The following SCML4 variants were observed in gnomAD, a reference collection of about 807,000 sequenced individuals.
SCML4 encodes sex comb on midleg-like protein 4.
In SCML4, 34 loss-of-function variants were observed where a neutral mutation model predicts 41.1. The observed-to-expected ratio is 0.83, with a 90% CI of 0.63 to 1.10. The LOEUF (loss-of-function observed/expected upper bound fraction) is 1.10. Ranked by LOEUF, SCML4 falls within the 50% of genes least tolerant of loss-of-function variation. SCML4 has a pLI of 0.00. For missense variants in SCML4, 522 were observed against 534.1 expected (o/e 0.98, Z 0.22); for synonymous variants, 214 against 220.9 (o/e 0.97, Z 0.28).
intron 2 of SCML4, among the ~76,000 whole-genome samples, chr6:107,762,290 A>G (rs1373648330): frequency 1.3e-5 from 2 of 152,214 alleles, no homozygotes; most frequent in African/African-American, 2.4e-5. Context: ...ATAATAAAAA[A>G]TAACTCAAAA....
chr6:107,831,690 G>A, the SCML4 span, among the ~76,000 whole-genome samples: 8 of 152,118 alleles, frequency 5.3e-5, no homozygotes, highest in East Asian at 3.9e-4. Flanking sequence ...AGGCCAAAGC[G>A]GGCAGATTAC....
At chr6:107,741,912 G>C (rs980591814) in intron 5 of SCML4, among the ~76,000 whole-genome samples, 1 of 152,152 alleles carries the variant, frequency 6.6e-6, no homozygotes, top group African/African-American at 2.4e-5. Flanking sequence ...ACAGGAAACC[G>C]TGATCTCCCT....
chr6:107,717,473 C>G (rs1485925649), intron 6 of SCML4, among the ~76,000 whole-genome samples: 1 of 152,146 alleles, frequency 6.6e-6, no homozygotes, highest in Non-Finnish European at 1.5e-5. Context: ...ATCCCACAGT[C>G]CCGTGGTGGG....
chr6:107,778,410 TAA>T (rs1781209344), intron 1 of SCML4, among the ~76,000 whole-genome samples: 1 of 151,300 alleles, frequency 6.6e-6, no homozygotes, highest in Non-Finnish European at 1.5e-5. Context: ...TAGTAGTCAT[TAA>T]AAGAGTCTGT....
Position 107,746,903 on chromosome 6 carries a change from G to A in SCML4, c.287-14C>T, listed in dbSNP as rs1210766796. The A allele has an allele frequency of 6.2e-7, 1 of 1,605,040 alleles. No homozygotes were observed. The highest frequency in any genetic ancestry group is 8.5e-7 in the Non-Finnish European group (1 of 1,174,152). On this transcript the variant is annotated splice_polypyrimidine_tract_variant and intron_variant, in intron 3 of 7. Coordinates refer to ENST00000369020, the MANE Select transcript of SCML4 (RefSeq NM_198081.5). ...TGTAGAGGCAGACTGCGGAGACAGA[G>A]GTCACAAAGCCCTCGGCATCAGGCG...
rs1782451547 is a variant in SCML4, at chr6:107,793,002, A to G, written c.-59-20616T>C. Among the ~76,000 whole-genome samples the G allele has an allele frequency of 2.6e-5, 4 of 152,316 alleles. No individual in the cohort carries two copies. In the South Asian group the frequency reaches 8.3e-4, roughly 32 times the overall value. ...AACTAAGACAAATATTGAATCCAAAAGGAGGAAGGAGAAAGGCATATAAAA... is the reference window on the plus strand; with the variant it reads ...AACTAAGACAAATATTGAATCCAAAGGGAGGAAGGAGAAAGGCATATAAAA... On this transcript the variant is annotated intron_variant, in intron 1 of 7. Transcript: ENST00000369020.
chr6:107,757,719 A>G (rs1779229269), intron 2 of SCML4, among the ~76,000 whole-genome samples: 1 of 152,206 alleles, frequency 6.6e-6, no homozygotes. Context: ...CAAAGTGAGA[A>G]CTCAATAAAA....
chr6:107,801,813 C>T (rs1164757755), intron 1 of SCML4, among the ~76,000 whole-genome samples: 1 of 151,896 alleles, frequency 6.6e-6, no homozygotes, highest in Non-Finnish European at 1.5e-5. Context: ...GAGCCTTGCT[C>T]TGTCACCCAC....
At chr6:107,778,222 A>AAATATAT (rs1554218145) in intron 1 of SCML4, among the ~76,000 whole-genome samples, 1 of 15,542 alleles carries the variant, frequency 6.4e-5, no homozygotes, top group Admixed American at 1.1e-3. Context: ...AAAAAAAAAA[A>AAATATAT]ATATATATAT....
intron 1 of SCML4, among the ~76,000 whole-genome samples, chr6:107,777,511 T>C (rs564090852): frequency 6.6e-6 from 1 of 152,342 alleles, no homozygotes; most frequent in South Asian, 2.1e-4. Flanking sequence ...AAGTTTCTAC[T>C]GAAAATTTTT....
intron 2 of SCML4, among the ~76,000 whole-genome samples, chr6:107,751,417 G>A (rs1252160307): frequency 1.3e-5 from 2 of 152,132 alleles, no homozygotes; most frequent in African/African-American, 4.8e-5. Context: ...AGTATGCCTG[G>A]AGGGTTTGTG....
chr6:107,806,195 C>G (rs5878941), intron 1 of SCML4, among the ~76,000 whole-genome samples: 24,559 of 151,534 alleles, frequency 0.16, 2,089 homozygotes, highest in Admixed American at 0.22. Context: ...TTCCCCCCCC[C>G]CAATAAACAA....
intron 1 of SCML4, among the ~76,000 whole-genome samples, chr6:107,791,575 C>T (rs1450101238): frequency 1.3e-5 from 2 of 152,172 alleles, no homozygotes; most frequent in Admixed American, 6.5e-5. Flanking sequence ...GATTATTAAA[C>T]AAGCTAGTAA....
rs572164034 is a variant in SCML4 at position 107,745,161 on chromosome 6, T to C, written c.488-18A>G. On this transcript the variant is annotated intron_variant, in intron 4 of 7. Coordinates refer to ENST00000369020, the MANE Select transcript of SCML4 (RefSeq NM_198081.5). The stretch of plus-strand genomic sequence containing the variant: ...AGCCGAGACTGGAAAACCAGAGAGA[T>C]GTCAGCTTAGAGCCGGGCACTGGAG... 4.5e-6 allele frequency: 7 copies of C among 1,542,820 alleles called. No individual in the cohort carries two copies. Among genetic ancestry groups the C allele is most frequent in the Non-Finnish European group, 6.1e-6 (7 of 1,140,580 alleles).
At chr6:107,726,610 T>G (rs1562187365) in intron 5 of SCML4, among the ~76,000 whole-genome samples, 1 of 150,320 alleles carries the variant, frequency 6.7e-6, no homozygotes, top group Non-Finnish European at 1.5e-5. Flanking sequence ...ATAAAGGACT[T>G]GAATAAACAT....
intron 1 of SCML4, among the ~76,000 whole-genome samples, chr6:107,779,627 C>A (rs951110518): frequency 1.3e-5 from 2 of 152,168 alleles, no homozygotes; most frequent in Non-Finnish European, 2.9e-5. Context: ...TGTTCTAACT[C>A]ACTGTCATTT....
intron 1 of SCML4, among the ~76,000 whole-genome samples, chr6:107,791,461 G>C (rs1033343254): frequency 3.3e-5 from 5 of 152,154 alleles, no homozygotes; most frequent in African/African-American, 1.2e-4. Flanking sequence ...GAAAATGTCT[G>C]AGAAACCTAG....
intron 1 of SCML4, among the ~76,000 whole-genome samples, chr6:107,799,425 C>G (rs1562269628): frequency 6.6e-6 from 1 of 152,140 alleles, no homozygotes; most frequent in Non-Finnish European, 1.5e-5. Context: ...TTATTGATCT[C>G]TTACTTGTAA....
chr6:107,704,548 A>G lies in SCML4; in HGVS notation c.*652T>C, dbSNP rs1379498232. On this transcript the variant is annotated 3_prime_UTR_variant, in exon 8 of 8. Coordinates refer to ENST00000369020, the MANE Select transcript of SCML4 (RefSeq NM_198081.5). Reference sequence around the variant, plus strand: ...TAACCCATCCACTCAGTACTGAACAATCCTGCTACTGCAGTCAGTGAGGGT... The same window carrying G: ...TAACCCATCCACTCAGTACTGAACAGTCCTGCTACTGCAGTCAGTGAGGGT... 1 of 155,810 alleles carries G rather than the reference A, an allele frequency of 6.4e-6. No homozygotes were observed. The highest frequency in any genetic ancestry group is 1.4e-5 in the Non-Finnish European group (1 of 71,016). 9.7% of individuals were successfully genotyped at this position (155,810 alleles called of 1,614,324 possible).
Sources: allele counts gnomAD v4.1 joint callset (sites outside exome capture counted in the v4.1 genomes callset), GRCh38; gene constraint gnomAD v4.1.1; transcripts MANE v1.5; gene names NCBI Gene and HGNC (gene_info 2026-07-23, HGNC 2026-07-21).